Variants in TRMO observed in about 807,000 individuals in gnomAD.
The protein encoded by TRMO is tRNA (adenine(37)-N6)-methyltransferase.
In TRMO, 30 loss-of-function variants were observed where a neutral mutation model predicts 37.2. The ratio of observed to expected loss-of-function variants is 0.81; its 90% CI spans 0.60 to 1.09. The LOEUF (loss-of-function observed/expected upper bound fraction) is 1.09, where lower values mean the gene tolerates loss of function less well. TRMO is among the 50% of genes least tolerant of loss of function. The pLI is 0.00. For missense variants in TRMO, 552 were observed against 549.5 expected (o/e 1.00, Z -0.05); for synonymous variants, 239 against 199.4 (o/e 1.20, Z -1.67).
intron 4 of TRMO, 95 bp from the exon 5 acceptor site, chr9:97,905,087 G>T: frequency 7.5e-7 from 1 of 1,332,274 alleles, no homozygotes; most frequent in Non-Finnish European, 1.0e-6. Flanking sequence ...GTTCCTTAAA[G>T]ATCACTTGAC....
the TRMO span, among the ~76,000 whole-genome samples, chr9:97,897,022 T>G: frequency 6.6e-6 from 1 of 152,230 alleles, no homozygotes; most frequent in Non-Finnish European, 1.5e-5. Context: ...TAGCATATTT[T>G]TGTTTATGCT....
At chr9:97,910,695 C>G (rs545348756) in intron 3 of TRMO, 79 bp from the exon 4 acceptor site, 18 of 1,509,666 alleles carry the variant, frequency 1.2e-5, no homozygotes, top group Non-Finnish European at 1.4e-5. Context: ...TCCTCTAACA[C>G]TGTCTGCTTA....
In TRMO at chr9:97,920,098, C is replaced by A. The variant is rs1364297817; in HGVS notation, c.76+2320G>T. On this transcript the variant is annotated intron_variant, in intron 1 of 4. Coordinates refer to ENST00000375119, the MANE Select transcript of TRMO (RefSeq NM_016481.5). The stretch of plus-strand genomic sequence containing the variant: ...GGGAATTCTGGTCTTCTTCTTCTTG[C>A]CTATCTCAAAACGACAACAACAAAA... 2.6e-5 allele frequency among the ~76,000 whole-genome samples: 4 copies of A among 152,182 alleles called. No individual in the cohort carries two copies. The East Asian group carries it at 7.7e-4, about 29-fold the overall frequency.
intron 4 of TRMO, among the ~76,000 whole-genome samples, chr9:97,908,227 A>G (rs1238471325): frequency 1.3e-5 from 2 of 152,176 alleles, no homozygotes; most frequent in Admixed American, 6.5e-5. Flanking sequence ...CCTGCCTAAC[A>G]CGGTGAAACT....
chr9:97,907,479 C>T (rs993401459), intron 4 of TRMO, among the ~76,000 whole-genome samples: 1 of 152,188 alleles, frequency 6.6e-6, no homozygotes, highest in South Asian at 2.1e-4. Context: ...CATTCTCTCC[C>T]TGCTAGTAAA....
At chr9:97,907,135 A>T (rs1825888671) in intron 4 of TRMO, among the ~76,000 whole-genome samples, 1 of 152,204 alleles carries the variant, frequency 6.6e-6, no homozygotes, top group Non-Finnish European at 1.5e-5. Flanking sequence ...GAGAAGCACA[A>T]CCCTCAAGTG....
At chr9:97,901,363 C>A (rs1831166230), downstream of TRMO, among the ~76,000 whole-genome samples, 1 of 151,978 alleles carries the variant, frequency 6.6e-6, no homozygotes, top group African/African-American at 2.4e-5. Flanking sequence ...TCTAAAGGAC[C>A]AAGAATCAAG....
chr9:97,921,666 C>A (rs957099139), intron 1 of TRMO, among the ~76,000 whole-genome samples: 2 of 152,046 alleles, frequency 1.3e-5, no homozygotes, highest in African/African-American at 4.8e-5. Flanking sequence ...CCTCGTGATC[C>A]GCCCACCTCG....
chr9:97,915,899 G>T, intron 2 of TRMO: 1 of 279,826 alleles, frequency 3.6e-6, no homozygotes, highest in Non-Finnish European at 6.6e-6. Context: ...GAATTAGCCA[G>T]GCATGGTGGC....
chr9:97,910,933 T>G, intron 3 of TRMO: 7 of 519,316 alleles, frequency 1.3e-5, no homozygotes, highest in African/African-American at 1.9e-5. Context: ...CTAGAGCGCT[T>G]TCCCCACGGT....
the TRMO span, among the ~76,000 whole-genome samples, chr9:97,897,808 C>T: frequency 2.6e-5 from 4 of 152,110 alleles, no homozygotes; most frequent in Non-Finnish European, 4.4e-5. Flanking sequence ...AAGCTATCTA[C>T]GAGGCAGAAG....
chr9:97,909,404 G>A lies in TRMO; in HGVS notation c.1066+556C>T, dbSNP rs546775479. Among the ~76,000 whole-genome samples the A allele has an allele frequency of 3.9e-5, 6 of 152,296 alleles. No individual in the cohort carries two copies. In the South Asian group the frequency reaches 1.0e-3, roughly 26 times the overall value. ...GTTAAAGTAAGCAGGCTCCATGTAA[G>A]AGCCCTGTGGCCTCTCTTCTGCAGC... On this transcript the variant is annotated intron_variant, in intron 4 of 4. Coordinates refer to ENST00000375119, the MANE Select transcript of TRMO (RefSeq NM_016481.5).
chr9:97,910,785 C>T, intron 3 of TRMO, 169 bp from the exon 4 acceptor site: 1 of 731,900 alleles, frequency 1.4e-6, no homozygotes, highest in South Asian at 1.8e-5. Flanking sequence ...GGTAGCCCAT[C>T]CTCTTCTCTA....
At chr9:97,914,805 T>A (rs1173420479) in intron 2 of TRMO, among the ~76,000 whole-genome samples, 1 of 152,112 alleles carries the variant, frequency 6.6e-6, no homozygotes, top group African/African-American at 2.4e-5. Context: ...TGTTTCTATG[T>A]GTACTTGAAA....
intron 1 of TRMO, among the ~76,000 whole-genome samples, chr9:97,918,385 T>C (rs1171961836): frequency 8.5e-6 from 1 of 118,224 alleles, no homozygotes; most frequent in Non-Finnish European, 1.9e-5. Context: ...AGACTCCATC[T>C]CAAAAAAAAA....
chr9:97,910,611 C>G lies in TRMO; in HGVS notation c.415G>C (p.Ala139Pro), dbSNP rs759137962. The G allele has an allele frequency of 3.7e-6, 6 of 1,613,202 alleles. No individual in the cohort carries two copies. The highest frequency in any genetic ancestry group is 5.1e-6 in the Non-Finnish European group (6 of 1,179,694). ...ATGTCAATTCCAGAAAGGTATATAGCTCCACCTATGACATAAAAACGTGAA... is the reference window on the plus strand; with the variant it reads ...ATGTCAATTCCAGAAAGGTATATAGGTCCACCTATGACATAAAAACGTGAA... ...LAKLEKVEGG[A>P]IYLSGIDMIH... The change falls in exon 4 of 5, where the codon GCT becomes CCT. Residue 139 changes from alanine to proline, a missense_variant. Ala to Pro is a conservative substitution (Grantham distance 27). Coordinates refer to ENST00000375119, the MANE Select transcript of TRMO (RefSeq NM_016481.5).
At chr9:97,917,611 A>C (rs1294188690) in intron 1 of TRMO, among the ~76,000 whole-genome samples, 2 of 152,198 alleles carry the variant, frequency 1.3e-5, no homozygotes, top group Admixed American at 1.3e-4. Context: ...TTACCTTCTT[A>C]AACACATACA....
downstream of TRMO, among the ~76,000 whole-genome samples, chr9:97,902,223 C>T (rs951611600): frequency 2.6e-5 from 4 of 152,198 alleles, no homozygotes; most frequent in Admixed American, 6.5e-5. Flanking sequence ...CCTGGAAAGG[C>T]CAGATAGTGG....
intron 4 of TRMO, among the ~76,000 whole-genome samples, chr9:97,906,254 C>G (rs867882085): frequency 6.6e-6 from 1 of 152,120 alleles, no homozygotes; most frequent in Admixed American, 6.5e-5. Flanking sequence ...ATGAGGAGAG[C>G]TCATCACACT....
Sources: allele counts gnomAD v4.1 joint callset (sites outside exome capture counted in the v4.1 genomes callset), GRCh38; gene constraint gnomAD v4.1.1; transcripts MANE v1.5; gene names NCBI Gene and HGNC (gene_info 2026-07-23, HGNC 2026-07-21).